The following QTMAN variants were observed in gnomAD, a reference collection of about 807,000 sequenced individuals.
The protein encoded by QTMAN is tRNA-queuosine alpha-mannosyltransferase.
At chr2:143,941,980 GA>G in the QTMAN span, 1 of 155,344 alleles carries the variant, frequency 6.4e-6, no homozygotes, top group African/African-American at 2.4e-5. Flanking sequence ...TCTCATCTGT[GA>G]AATGATATTG....
the QTMAN span, among the ~76,000 whole-genome samples, chr2:144,233,286 C>A: frequency 2.6e-5 from 4 of 152,088 alleles, no homozygotes; most frequent in African/African-American, 9.7e-5. Flanking sequence ...AAAAATGCAA[C>A]TGTAAAGAAA....
the QTMAN span, among the ~76,000 whole-genome samples, chr2:144,038,041 TC>T: frequency 6.6e-6 from 1 of 152,238 alleles, no homozygotes; most frequent in African/African-American, 2.4e-5. Context: ...TGTATCTTCA[TC>T]AAGAGAATGC....
the QTMAN span, among the ~76,000 whole-genome samples, chr2:144,316,458 C>A: frequency 2.0e-5 from 3 of 152,148 alleles, no homozygotes; most frequent in South Asian, 2.1e-4. Context: ...TTGAACCAGT[C>A]CTCTTTCAAG....
At chr2:144,176,594 T>C in the QTMAN span, among the ~76,000 whole-genome samples, 2 of 152,106 alleles carry the variant, frequency 1.3e-5, no homozygotes, top group Non-Finnish European at 2.9e-5. Flanking sequence ...AACACCATCA[T>C]CCAAAAAAAT....
the QTMAN span, among the ~76,000 whole-genome samples, chr2:144,181,269 T>G: frequency 2.0e-5 from 3 of 152,214 alleles, no homozygotes; most frequent in African/African-American, 7.2e-5. Flanking sequence ...CACAGTGCAT[T>G]ACAGAATTAT....
At chr2:144,100,934 A>G in the QTMAN span, among the ~76,000 whole-genome samples, 2 of 139,416 alleles carry the variant, frequency 1.4e-5, no homozygotes, top group African/African-American at 5.7e-5. Context: ...CAGTGGCACA[A>G]TCTCAGCTCA....
At chr2:144,201,875 G>T in the QTMAN span, among the ~76,000 whole-genome samples, 1 of 152,276 alleles carries the variant, frequency 6.6e-6, no homozygotes, top group South Asian at 2.1e-4. Flanking sequence ...TTATCAGCAT[G>T]AGATGGTGAA....
At chr2:144,031,986 C>G in the QTMAN span, among the ~76,000 whole-genome samples, 1 of 152,114 alleles carries the variant, frequency 6.6e-6, no homozygotes, top group Admixed American at 6.5e-5. Context: ...GGTTTCATCA[C>G]ATTGGCCAGG....
the QTMAN span, among the ~76,000 whole-genome samples, chr2:144,094,266 AATTC>A: frequency 6.6e-6 from 1 of 152,248 alleles, no homozygotes; most frequent in Admixed American, 6.5e-5. Context: ...AAACATTACA[AATTC>A]AGTTAACTAA....
At chr2:144,305,343 A>G in the QTMAN span, among the ~76,000 whole-genome samples, 1 of 152,214 alleles carries the variant, frequency 6.6e-6, no homozygotes, top group East Asian at 1.9e-4. Flanking sequence ...TCCCAGCACC[A>G]TCTGTTGAAA....
At chr2:144,121,327 C>T in the QTMAN span, among the ~76,000 whole-genome samples, 1 of 152,146 alleles carries the variant, frequency 6.6e-6, no homozygotes, top group African/African-American at 2.4e-5. Context: ...ACCTGGCAAA[C>T]TTCATTTAAC....
At chr2:144,323,434 T>C in the QTMAN span, among the ~76,000 whole-genome samples, 2 of 152,224 alleles carry the variant, frequency 1.3e-5, no homozygotes, top group Non-Finnish European at 2.9e-5. Context: ...AATACCATGA[T>C]TACTAGGTAC....
the QTMAN span, among the ~76,000 whole-genome samples, chr2:144,052,314 A>T: frequency 6.6e-6 from 1 of 152,240 alleles, no homozygotes. Context: ...AGGATGAAGT[A>T]ATCTACTGGC....
the QTMAN span, among the ~76,000 whole-genome samples, chr2:144,214,457 C>T: frequency 1.5e-4 from 23 of 152,212 alleles, no homozygotes; most frequent in Admixed American, 1.4e-3. Flanking sequence ...AATCTGCTTC[C>T]GGAGCATTAG....
At chr2:144,146,910 G>C in the QTMAN span, among the ~76,000 whole-genome samples, 1 of 151,828 alleles carries the variant, frequency 6.6e-6, no homozygotes. Context: ...GGTCTTCTAA[G>C]GGCTCAAACT....
the QTMAN span, among the ~76,000 whole-genome samples, chr2:144,091,707 T>A: frequency 6.6e-6 from 1 of 152,296 alleles, no homozygotes; most frequent in South Asian, 2.1e-4. Flanking sequence ...AATGAAGGCA[T>A]TATGACCATA....
At chr2:144,275,099 T>C in the QTMAN span, among the ~76,000 whole-genome samples, 1,474 of 152,198 alleles carry the variant, frequency 9.7e-3, 16 homozygotes, top group African/African-American at 0.033. Context: ...TGGGAAAACT[T>C]ACCATGATGG....
At chr2:144,070,418 C>T in the QTMAN span, among the ~76,000 whole-genome samples, 1 of 152,092 alleles carries the variant, frequency 6.6e-6, no homozygotes, top group East Asian at 1.9e-4. Flanking sequence ...GCACCTAAGA[C>T]AGCAGTTTAC....
the QTMAN span, among the ~76,000 whole-genome samples, chr2:144,007,965 A>T: frequency 6.6e-6 from 1 of 152,064 alleles, no homozygotes; most frequent in Non-Finnish European, 1.5e-5. Context: ...TCTGCTCATG[A>T]CTGTTCTGTA....
Sources: gnomAD v4.1 joint callset for allele counts (sites outside exome capture counted in the v4.1 genomes callset) on GRCh38, gnomAD v4.1.1 for gene constraint, MANE v1.5 for transcripts, NCBI Gene and HGNC (gene_info 2026-07-23, HGNC 2026-07-21) for gene names.